The following NEK7 variants were observed in gnomAD, a reference collection of about 807,000 sequenced individuals.
NEK7 encodes the protein NIMA related kinase 7, also known as serine/threonine-protein kinase Nek7.
NEK7 carries 18 observed loss-of-function variants against 44.6 expected under a neutral mutation model. That is an observed-to-expected ratio of 0.40 (90% CI 0.28 to 0.60). NEK7 has a LOEUF of 0.60. Among genes scored for constraint, NEK7 ranks in the 20% least tolerant of loss-of-function variants. The pLI is 0.38. For synonymous variants in NEK7, 130 were observed against 121.1 expected, an observed-to-expected ratio of 1.07 and a Z score of -0.48; for missense variants, 256 against 366.5, an observed-to-expected ratio of 0.70 and a Z score of 2.46.
Position 198,272,751 on chromosome 1 carries a change from G to A in NEK7, c.373-5210G>A, listed in dbSNP as rs545163308. 3.1e-4 allele frequency among the ~76,000 whole-genome samples: 46 copies of A among 149,236 alleles called. No homozygotes were observed. The South Asian group carries it at 8.4e-3, about 27-fold the overall frequency. On this transcript the variant is annotated intron_variant, in intron 5 of 9. Transcript: ENST00000367385. ...TAAGAATTATTCACATGGCAGCAAT[G>A]CAGGGACCATTCTTTTTAGTAATTC...
intron 1 of NEK7, among the ~76,000 whole-genome samples, chr1:198,168,851 A>G (rs1253570640): frequency 6.6e-6 from 1 of 152,222 alleles, no homozygotes; most frequent in Admixed American, 6.5e-5. Flanking sequence ...CCTAGATGGC[A>G]GTGGCAATTT....
intron 2 of NEK7, among the ~76,000 whole-genome samples, chr1:198,234,874 G>A (rs144126084): frequency 6.6e-6 from 1 of 152,298 alleles, no homozygotes; most frequent in African/African-American, 2.4e-5. Context: ...CACTGATGGT[G>A]TGAGACAGTG....
intron 2 of NEK7, among the ~76,000 whole-genome samples, chr1:198,239,186 T>C (rs1026809447): frequency 6.6e-6 from 1 of 152,232 alleles, no homozygotes; most frequent in African/African-American, 2.4e-5. Context: ...TTCTAAAGTA[T>C]ACATTTTATT....
At chr1:198,212,449 C>T (rs532525972) in intron 1 of NEK7, among the ~76,000 whole-genome samples, 59 of 152,310 alleles carry the variant, frequency 3.9e-4, no homozygotes, top group African/African-American at 1.2e-3. Flanking sequence ...ACTTAACTGC[C>T]GCCTGCTAAT....
intron 4 of NEK7, 144 bp from the exon 5 acceptor site, chr1:198,263,974 TTTCACAA>T: frequency 1.7e-6 from 1 of 595,662 alleles, no homozygotes; most frequent in East Asian, 3.9e-5. Context: ...GTAATATTTG[TTTCACAA>T]TTCACTAAAG....
intron 9 of NEK7, among the ~76,000 whole-genome samples, chr1:198,304,186 T>C (rs1190420526): frequency 6.6e-6 from 1 of 152,174 alleles, no homozygotes; most frequent in East Asian, 1.9e-4. Flanking sequence ...TCCTGTGGGA[T>C]CCTACAAAAT....
chr1:198,201,170 C>G (rs528745521), intron 1 of NEK7, among the ~76,000 whole-genome samples: 1 of 151,456 alleles, frequency 6.6e-6, no homozygotes, highest in African/African-American at 2.4e-5. Context: ...GTTGTGTTGA[C>G]GAGGGGATAA....
rs144645713 is a variant in NEK7, at chr1:198,241,236, C to T, written c.57+8599C>T. 6.0e-4 allele frequency among the ~76,000 whole-genome samples: 91 copies of T among 152,274 alleles called. 3 individuals are homozygous for T. In the East Asian group the frequency reaches 0.011, roughly 19 times the overall value. ...TTATATTGTTACTATGTGAATATTA[C>T]GATCTTGTCATATGATTCTTATGTT... On this transcript the variant is annotated intron_variant, in intron 2 of 9. Coordinates refer to ENST00000367385, the MANE Select transcript of NEK7 (RefSeq NM_133494.3).
intron 5 of NEK7, among the ~76,000 whole-genome samples, chr1:198,277,051 A>C (rs1654040953): frequency 6.6e-6 from 1 of 151,770 alleles, no homozygotes; most frequent in African/African-American, 2.4e-5. Context: ...AAACAGTTAA[A>C]ATTATTAGAA....
At chr1:198,205,014 C>G (rs1665552973) in intron 1 of NEK7, among the ~76,000 whole-genome samples, 1 of 152,050 alleles carries the variant, frequency 6.6e-6, no homozygotes, top group Non-Finnish European at 1.5e-5. Flanking sequence ...TAGTCCAGGC[C>G]CCTGCTACTG....
intron 1 of NEK7, among the ~76,000 whole-genome samples, chr1:198,181,001 C>T (rs1664749968): frequency 6.6e-6 from 1 of 151,962 alleles, no homozygotes; most frequent in Non-Finnish European, 1.5e-5. Flanking sequence ...GACAAGTTAT[C>T]AAACCAAGAA....
At chr1:198,291,657 T>C (rs1558097607) in intron 7 of NEK7, among the ~76,000 whole-genome samples, 1 of 152,130 alleles carries the variant, frequency 6.6e-6, no homozygotes, top group Non-Finnish European at 1.5e-5. Flanking sequence ...TTTTAACGTT[T>C]CTTCATCACT....
chr1:198,202,309 G>A (rs970327697), intron 1 of NEK7, among the ~76,000 whole-genome samples: 2 of 152,132 alleles, frequency 1.3e-5, no homozygotes, highest in Non-Finnish European at 1.5e-5. Context: ...GATTGGAGAG[G>A]GCTGGTTTGG....
Position 198,301,360 on chromosome 1 carries a change from C to T in NEK7, c.798+4120C>T, listed in dbSNP as rs559800362. On this transcript the variant is annotated intron_variant, in intron 9 of 9. Coordinates refer to ENST00000367385, the MANE Select transcript of NEK7 (RefSeq NM_133494.3). ...AGTCAGGAGATCGAGACCATCCTGGCTAACACGGTGAAACCCCGTCTCTAC... is the reference window on the plus strand; with the variant it reads ...AGTCAGGAGATCGAGACCATCCTGGTTAACACGGTGAAACCCCGTCTCTAC... Among the ~76,000 whole-genome samples, 5 of 152,058 alleles carry T rather than the reference C, an allele frequency of 3.3e-5. No homozygotes were observed. In the South Asian group the frequency reaches 1.0e-3, roughly 32 times the overall value.
chr1:198,254,361 C>T (rs1324758380), intron 3 of NEK7, among the ~76,000 whole-genome samples: 3 of 152,068 alleles, frequency 2.0e-5, no homozygotes, highest in Admixed American at 6.6e-5. Flanking sequence ...GTTTTTCCTA[C>T]ATTGGTATGA....
rs114608773 is a variant in NEK7, at chr1:198,165,183, C to T, written c.-29+7907C>T. Among the ~76,000 whole-genome samples the T allele has an allele frequency of 4.4e-3, 668 of 152,266 alleles. 6 individuals are homozygous for T. Among genetic ancestry groups the T allele is most frequent in the African/African-American group, 0.015 (638 of 41,560 alleles). ...ACTGAAATCTTGACTCCCTCAAAGT[C>T]GTCCATGAGGGTTGGAATCAACTTC... On this transcript the variant is annotated intron_variant, in intron 1 of 9. Coordinates refer to ENST00000367385, the MANE Select transcript of NEK7 (RefSeq NM_133494.3).
At chr1:198,264,311 G>C (rs1383185112) in intron 5 of NEK7, 76 bp downstream of exon 5, 2 of 1,002,144 alleles carry the variant, frequency 2.0e-6, no homozygotes, top group Admixed American at 4.8e-5. Flanking sequence ...AACACATAGG[G>C]ATATTAGATA....
chr1:198,315,021 C>T (rs1399090597), intron 9 of NEK7, among the ~76,000 whole-genome samples: 1 of 152,170 alleles, frequency 6.6e-6, no homozygotes, highest in African/African-American at 2.4e-5. Flanking sequence ...GGCGGGCGCC[C>T]CTCCCCCAGC....
At chr1:198,222,635 A>G (rs1477922040) in intron 1 of NEK7, among the ~76,000 whole-genome samples, 3 of 152,190 alleles carry the variant, frequency 2.0e-5, no homozygotes, top group Admixed American at 2.0e-4. Context: ...CAAAACAAGC[A>G]ATGCTAACAT....
Sources: allele counts gnomAD v4.1 joint callset (sites outside exome capture counted in the v4.1 genomes callset), GRCh38; gene constraint gnomAD v4.1.1; transcripts MANE v1.5; gene names NCBI Gene and HGNC (gene_info 2026-07-23, HGNC 2026-07-21).